Variants in ARMCX4 observed in about 807,000 individuals in gnomAD.
ARMCX4 encodes the protein armadillo repeat containing X-linked 4, also known as armadillo repeat-containing X-linked protein 4.
In ARMCX4, 3 loss-of-function variants were observed where a neutral mutation model predicts 34.7. The observed-to-expected ratio is 0.09, with a 90% CI of 0.04 to 0.22. ARMCX4 has a LOEUF of 0.22. ARMCX4 is among the 10% of genes least tolerant of loss of function. The pLI, the probability that ARMCX4 is intolerant of heterozygous loss-of-function variation, is 1.00. For synonymous variants in ARMCX4, 513 were observed against 632.8 expected (o/e 0.81, Z 2.84); for missense variants, 1,448 against 1,720.8 (o/e 0.84, Z 2.81).
intron 2 of ARMCX4, among the ~76,000 whole-genome samples, chrX:101,434,133 A>T (rs1930511399): frequency 9.2e-6 from 1 of 108,947 alleles, no homozygotes. Flanking sequence ...TTTAGTAGAG[A>T]CGTGGGTCTC....
rs782145612 is a variant in ARMCX4 at position 101,495,315 on chromosome X, A to G, written c.6726A>G (p.Ala2242=). The G allele has an allele frequency of 8.7e-7, 1 of 1,147,318 alleles. No homozygotes were observed. The highest frequency in any genetic ancestry group is 1.9e-5 in the South Asian group (1 of 52,171). The allele number at this position is 1,147,318 out of a possible 1,213,427, so 94.6% of individuals were successfully genotyped here. ...ACCATTTTAAAAGAAGAGCAAAAGC[A>G]TTTACCCAGGACAAATTCAGTAAAA... is the stretch of plus-strand genomic sequence containing the variant. The part of the protein sequence containing the change: ...INYHFKRRAK[A]FTQDKFSKNS... Residue 2242 remains alanine, a synonymous_variant, in exon 6 of 6, where the codon GCA becomes GCG. Transcript: ENST00000423738.
intron 8 of ARMCX4, among the ~76,000 whole-genome samples, chrX:101,506,139 C>T (rs904356625): frequency 8.9e-6 from 1 of 112,022 alleles, no homozygotes; most frequent in Non-Finnish European, 1.9e-5. Context: ...CACCACGCCC[C>T]GCCCAGAACT....
At chrX:101,432,160 T>G (rs1361765335) in intron 2 of ARMCX4, among the ~76,000 whole-genome samples, 1 of 112,047 alleles carries the variant, frequency 8.9e-6, no homozygotes, top group Non-Finnish European at 1.9e-5. Flanking sequence ...TATTCTCCCT[T>G]TTATGGCTGT....
chrX:101,473,238 A>G (rs1932992986), intron 4 of ARMCX4, among the ~76,000 whole-genome samples: 1 of 111,141 alleles, frequency 9.0e-6, no homozygotes, highest in African/African-American at 3.3e-5. Context: ...TAAAGGGATC[A>G]ATTCAACAAG....
chrX:101,521,079 C>T (rs1260244282), intron 11 of ARMCX4, among the ~76,000 whole-genome samples: 1 of 108,723 alleles, frequency 9.2e-6, no homozygotes, highest in Non-Finnish European at 1.9e-5. Flanking sequence ...TTACAGATGC[C>T]TGCCACCATG....
chrX:101,432,898 G>A (rs1478426981), intron 2 of ARMCX4, among the ~76,000 whole-genome samples: 5 of 44,304 alleles, frequency 1.1e-4, no homozygotes, highest in African/African-American at 1.8e-4. Flanking sequence ...GTATATATAC[G>A]TGTATATACA....
chrX:101,487,714 G>C, intron 4 of ARMCX4, 23 bp downstream of exon 4: 1 of 879,408 alleles, frequency 1.1e-6, no homozygotes, highest in Non-Finnish European at 1.5e-6. Flanking sequence ...GGACTGCCTG[G>C]GTAGACCTCT....
At position 101,495,522 on chromosome X, in the gene ARMCX4, T is replaced by C; in HGVS notation, c.*60T>C. The C allele has an allele frequency of 9.5e-7, 1 of 1,054,097 alleles. No individual in the cohort carries two copies. Among genetic ancestry groups the C allele is most frequent in the South Asian group, 2.6e-5 (1 of 37,752 alleles). 86.9% of individuals were successfully genotyped at this position (1,054,097 alleles called of 1,213,427 possible). ...TTTTGGTTTTGCACTCTGGAAGTAA[T>C]GCACATTGTAAATTGCATTATAACT... On this transcript the variant is annotated 3_prime_UTR_variant, in exon 6 of 6. Transcript: ENST00000423738.
chrX:101,434,728 C>T (rs1289303010), intron 2 of ARMCX4, among the ~76,000 whole-genome samples: 2 of 108,417 alleles, frequency 1.8e-5, no homozygotes, highest in Non-Finnish European at 1.9e-5. Flanking sequence ...TGTTGGTGTG[C>T]TGCACCCATT....
intron 4 of ARMCX4, among the ~76,000 whole-genome samples, chrX:101,456,285 T>C (rs1176545926): frequency 8.0e-5 from 9 of 112,050 alleles, no homozygotes; most frequent in Admixed American, 3.8e-4. Context: ...CCACCAACAG[T>C]ATATAAGTGT....
rs1556008022 is a variant in ARMCX4 at position 101,489,641 on chromosome X, G to A, written c.1052G>A (p.Gly351Glu). The A allele has an allele frequency of 1.7e-6, 2 of 1,154,930 alleles. No homozygotes were observed. The highest frequency in any genetic ancestry group is 3.8e-5 in the South Asian group (2 of 52,586). The change falls in exon 6 of 6, where the codon GGG becomes GAG. Residue 351 changes from glycine (G) to glutamate (E), a missense_variant. Gly to Glu is a moderately conservative substitution (Grantham distance 98, BLOSUM62 -2). Around this residue, in one of 2 missense-constraint regions of ARMCX4, gnomAD observed 1,343 missense variants for 1,540.7 expected, o/e 0.87. Transcript: ENST00000423738. Reference protein sequence around the residue: ...GGNTNAMCKVGAGADVRACIQ... With the variant: ...GGNTNAMCKVEAGADVRACIQ... ...AACACCAATGCCATGTGTAAGGTGG[G>A]GGCAGGGGCAGATGTGAGAGCTTGT...
At chrX:101,443,809 C>T in intron 2 of ARMCX4, 1 of 339,950 alleles carries the variant, frequency 2.9e-6, no homozygotes, top group Non-Finnish European at 5.6e-6. Context: ...GGTTGCCATC[C>T]AACCACTCAA....
chrX:101,438,465 T>G (rs1930972470), intron 2 of ARMCX4, among the ~76,000 whole-genome samples: 1 of 110,978 alleles, frequency 9.0e-6, no homozygotes, highest in Non-Finnish European at 1.9e-5. Flanking sequence ...CTTGGGAGGC[T>G]GAGGCAGGAG....
chrX:101,516,455 G>A (rs1934746987), intron 11 of ARMCX4: 1 of 111,632 alleles, frequency 9.0e-6, no homozygotes, highest in Non-Finnish European at 1.9e-5. Flanking sequence ...TCCACAAAAT[G>A]TCTTTTTCTC....
intron 2 of ARMCX4, among the ~76,000 whole-genome samples, chrX:101,425,435 C>T (rs1452601387): frequency 9.4e-6 from 1 of 106,669 alleles, no homozygotes; most frequent in Admixed American, 1.0e-4. Context: ...CTCTTGTTGC[C>T]CAAGCTGGAG....
intron 11 of ARMCX4, among the ~76,000 whole-genome samples, chrX:101,522,675 G>GC (rs1236507339): frequency 6.3e-5 from 7 of 111,623 alleles, no homozygotes; most frequent in African/African-American, 2.3e-4. Context: ...CTTAGAGGTT[G>GC]CCCTTGGAGT....
rs2147669435 is a variant in ARMCX4 at position 101,490,849 on chromosome X, G to A, written c.2260G>A (p.Ala754Thr). The change falls in exon 6 of 6, where the codon GCC (alanine) becomes ACC (threonine). Residue 754 changes from alanine (A) to threonine (T), a missense_variant. By Grantham distance (58) the Ala-to-Thr change is moderately conservative (BLOSUM62 0). Around this residue, in one of 2 missense-constraint regions of ARMCX4, gnomAD observed 1,343 missense variants for 1,540.7 expected, o/e 0.87. Transcript: ENST00000423738. Reference protein sequence around the residue: ...TTDSARLQAVANSQGEVLPGA... With the variant: ...TTDSARLQAVTNSQGEVLPGA... The stretch of plus-strand genomic sequence containing the variant: ...AGACTCTGCCCGGCTCCAGGCTGTG[G>A]CCAATTCTCAGGGTGAGGTCTTGCC... 3.6e-6 allele frequency: 4 copies of A among 1,111,091 alleles called. No homozygotes were observed. The highest frequency in any genetic ancestry group is 4.7e-6 in the Non-Finnish European group (4 of 843,742). The allele number at this position is 1,111,091 out of a possible 1,213,427, so 91.6% of individuals were successfully genotyped here.
downstream of ARMCX4, among the ~76,000 whole-genome samples, chrX:101,451,651 C>T (rs1555999113): frequency 8.9e-6 from 1 of 111,815 alleles, no homozygotes; most frequent in South Asian, 3.7e-4. Context: ...CTTGCCCTGT[C>T]CTTCTCCATG....
Position 101,490,206 on chromosome X carries a change from G to A in ARMCX4, c.1617G>A (p.Gly539=). 2 of 1,155,564 alleles carry A rather than the reference G, an allele frequency of 1.7e-6. No homozygotes were observed. Among genetic ancestry groups the A allele is most frequent in the Non-Finnish European group, 1.1e-6 (1 of 872,778 alleles). The part of the protein sequence containing the change: ...RGKAKAKCKT[G]PGMDMKTCTQ... The stretch of plus-strand genomic sequence containing the variant: ...AAGCCAAAGCCAAGTGTAAGACAGG[G>A]CCTGGGATGGACATGAAAACCTGTA... Residue 539 remains glycine, a synonymous_variant, in exon 6 of 6, where the codon GGG becomes GGA. Coordinates refer to ENST00000423738, the MANE Select transcript of ARMCX4 (RefSeq NM_001256155.3).
Sources: allele counts gnomAD v4.1 joint callset (sites outside exome capture counted in the v4.1 genomes callset), GRCh38; gene constraint gnomAD v4.1.1; regional missense constraint gnomAD v4.1.1; transcripts MANE v1.5; gene names NCBI Gene and HGNC (gene_info 2026-07-23, HGNC 2026-07-21).